CACNG2: variants seen among roughly 807,000 people sequenced by gnomAD.
The protein encoded by CACNG2 is calcium voltage-gated channel auxiliary subunit gamma 2, also known as voltage-dependent calcium channel gamma-2 subunit.
CACNG2 carries 3 observed loss-of-function variants against 25.9 expected under a neutral mutation model. That is an observed-to-expected ratio of 0.12 (90% CI 0.05 to 0.30). The LOEUF is 0.30. Among genes scored for constraint, CACNG2 ranks in the 10% least tolerant of loss-of-function variants. The pLI, the probability that CACNG2 is intolerant of heterozygous loss-of-function variation, is 1.00. For missense variants in CACNG2, 341 were observed against 432.5 expected (o/e 0.79, Z 1.88); for synonymous variants, 167 against 173.3 (o/e 0.96, Z 0.29).
chr22:36,687,129 C>A (rs1170946835), intron 1 of CACNG2, among the ~76,000 whole-genome samples: 1 of 152,160 alleles, frequency 6.6e-6, no homozygotes, highest in Admixed American at 6.5e-5. Flanking sequence ...GGAGCTCTGG[C>A]AGCCCTACTT....
intron 1 of CACNG2, among the ~76,000 whole-genome samples, chr22:36,690,641 G>T (rs954608026): frequency 3.3e-5 from 5 of 152,112 alleles, no homozygotes; most frequent in Admixed American, 3.3e-4. Flanking sequence ...GTGAAAAATA[G>T]ACTTAGGCTA....
At chr22:36,661,966 CTTTTTTTTTT>C (rs71193254) in intron 1 of CACNG2, among the ~76,000 whole-genome samples, 14 of 44,588 alleles carry the variant, frequency 3.1e-4, no homozygotes, top group South Asian at 1.6e-3. Context: ...CATTGCTATT[CTTTTTTTTTT>C]TTTTTTTTTT....
At chr22:36,611,365 A>T (rs923933056) in intron 1 of CACNG2, among the ~76,000 whole-genome samples, 3 of 152,100 alleles carry the variant, frequency 2.0e-5, no homozygotes, top group African/African-American at 7.2e-5. Context: ...AATGAACCTG[A>T]CCTATTTGAG....
intron 1 of CACNG2, among the ~76,000 whole-genome samples, chr22:36,679,700 G>A (rs1426980144): frequency 2.0e-5 from 3 of 152,054 alleles, no homozygotes; most frequent in Non-Finnish European, 4.4e-5. Context: ...GCCCACTTAC[G>A]TGTGATGGAG....
chr22:36,603,538 G>A (rs576061157), intron 1 of CACNG2, among the ~76,000 whole-genome samples: 55 of 152,178 alleles, frequency 3.6e-4, no homozygotes, highest in Non-Finnish European at 7.6e-4. Flanking sequence ...AGAGGTCAAT[G>A]GTTGGCTTCA....
At chr22:36,651,089 T>C (rs1297399000) in intron 1 of CACNG2, among the ~76,000 whole-genome samples, 1 of 152,170 alleles carries the variant, frequency 6.6e-6, no homozygotes, top group Admixed American at 6.6e-5. Flanking sequence ...CTCTTGTCTC[T>C]ACGTAGCATG....
intron 1 of CACNG2, among the ~76,000 whole-genome samples, chr22:36,700,426 T>C (rs757942780): frequency 1.3e-5 from 2 of 152,242 alleles, no homozygotes; most frequent in Non-Finnish European, 2.9e-5. Context: ...AGTATATTTA[T>C]GCCAACCCAC....
intron 1 of CACNG2, among the ~76,000 whole-genome samples, chr22:36,633,954 A>G (rs1936315953): frequency 6.6e-6 from 1 of 152,236 alleles, no homozygotes; most frequent in Non-Finnish European, 1.5e-5. Context: ...TGATTCAAAT[A>G]GATGCAGCTC....
chr22:36,694,140 C>T (rs1937302599), intron 1 of CACNG2, among the ~76,000 whole-genome samples: 1 of 152,220 alleles, frequency 6.6e-6, no homozygotes, highest in Admixed American at 6.5e-5. Flanking sequence ...GCTTTCTTAG[C>T]ACCCTGCCTA....
Position 36,662,368 on chromosome 22 carries a change from G to C in CACNG2, c.211+39998C>G, listed in dbSNP as rs1359521777. Among the ~76,000 whole-genome samples, 3 of 152,244 alleles carry C rather than the reference G, an allele frequency of 2.0e-5. No individual in the cohort carries two copies. The East Asian group carries it at 5.8e-4, about 29-fold the overall frequency. The stretch of plus-strand genomic sequence containing the variant: ...AGATGGGAAAACTGAGGTGCAGAGC[G>C]ATCAGTGATCTGCCAGTTCATTCAC... On this transcript the variant is annotated intron_variant, in intron 1 of 3. Coordinates refer to ENST00000300105, the MANE Select transcript of CACNG2 (RefSeq NM_006078.5).
At chr22:36,573,398 TCGGCTCA>T (rs1200704381) in intron 2 of CACNG2, among the ~76,000 whole-genome samples, 1 of 152,202 alleles carries the variant, frequency 6.6e-6, no homozygotes, top group Non-Finnish European at 1.5e-5. Flanking sequence ...TGGCGTGATC[TCGGCTCA>T]CTGTAACCTC....
intron 1 of CACNG2, among the ~76,000 whole-genome samples, chr22:36,677,075 A>G (rs1275470829): frequency 6.6e-6 from 1 of 152,098 alleles, no homozygotes; most frequent in Non-Finnish European, 1.5e-5. Context: ...ACAGTATCAA[A>G]CAGCCCCTGC....
At chr22:36,615,437 C>T (rs1936007794) in intron 1 of CACNG2, among the ~76,000 whole-genome samples, 1 of 152,188 alleles carries the variant, frequency 6.6e-6, no homozygotes, top group African/African-American at 2.4e-5. Context: ...TTTCTCTTTC[C>T]ATACAACAAG....
At chr22:36,681,021 A>G (rs912547716) in intron 1 of CACNG2, among the ~76,000 whole-genome samples, 2 of 152,184 alleles carry the variant, frequency 1.3e-5, no homozygotes, top group Non-Finnish European at 2.9e-5. Flanking sequence ...AGAATGAAAA[A>G]CAGAAAAATT....
In CACNG2 at chr22:36,575,602, G is replaced by C. The variant is rs577566286; in HGVS notation, c.296-9109C>G. Among the ~76,000 whole-genome samples the C allele has an allele frequency of 4.6e-5, 7 of 152,272 alleles. No individual in the cohort carries two copies. The South Asian group carries it at 1.5e-3, about 32-fold the overall frequency. ...TGCACTCTTTGCCTAGCTCTCCACG[G>C]GACCTGAGCATGTGCTATTCCTTCT... On this transcript the variant is annotated intron_variant, in intron 2 of 3. Coordinates refer to ENST00000300105, the MANE Select transcript of CACNG2 (RefSeq NM_006078.5).
At chr22:36,638,492 C>G (rs530444507) in intron 1 of CACNG2, among the ~76,000 whole-genome samples, 8 of 152,322 alleles carry the variant, frequency 5.3e-5, no homozygotes, top group African/African-American at 1.9e-4. Context: ...TAGTCTTGCA[C>G]TGGTGCCTTT....
intron 1 of CACNG2, among the ~76,000 whole-genome samples, chr22:36,594,670 C>A (rs1271009666): frequency 6.6e-6 from 1 of 151,506 alleles, no homozygotes; most frequent in Non-Finnish European, 1.5e-5. Flanking sequence ...GGGAGGGGTC[C>A]GTGTATGCCC....
At chr22:36,674,221 G>A (rs1936993503) in intron 1 of CACNG2, among the ~76,000 whole-genome samples, 1 of 152,242 alleles carries the variant, frequency 6.6e-6, no homozygotes, top group Non-Finnish European at 1.5e-5. Flanking sequence ...AGAAGGGACA[G>A]GGGTGACCAT....
intron 1 of CACNG2, among the ~76,000 whole-genome samples, chr22:36,699,280 CT>C: frequency 6.7e-6 from 1 of 150,012 alleles, no homozygotes; most frequent in Non-Finnish European, 1.5e-5. Context: ...CACACACAGA[CT>C]TTTCAGTCTG....
Sources: allele counts gnomAD v4.1 joint callset (sites outside exome capture counted in the v4.1 genomes callset), GRCh38; gene constraint gnomAD v4.1.1; transcripts MANE v1.5; gene names NCBI Gene and HGNC (gene_info 2026-07-23, HGNC 2026-07-21).